Variants in THSD4 observed in about 807,000 individuals in gnomAD.
THSD4 encodes the protein thrombospondin type 1 domain containing 4.
THSD4 carries 69 observed loss-of-function variants against 119.0 expected under a neutral mutation model. The observed-to-expected ratio is 0.58, with a 90% CI of 0.48 to 0.71. THSD4 has a LOEUF of 0.71. Among genes scored for constraint, THSD4 ranks in the 30% least tolerant of loss-of-function variants. The pLI is 0.00. For synonymous variants in THSD4, 524 were observed against 540.4 expected (o/e 0.97, Z 0.42); for missense variants, 1,393 against 1,391.1 (o/e 1.00, Z -0.02).
At chr15:71,308,755 T>G (rs1455512918) in intron 6 of THSD4, among the ~76,000 whole-genome samples, 1 of 152,210 alleles carries the variant, frequency 6.6e-6, no homozygotes, top group African/African-American at 2.4e-5. Flanking sequence ...GGTATATGCC[T>G]GGGAGTGGAA....
At chr15:71,126,557 C>A (rs994709182) in intron 1 of THSD4, among the ~76,000 whole-genome samples, 3 of 152,202 alleles carry the variant, frequency 2.0e-5, no homozygotes, top group Non-Finnish European at 4.4e-5. Flanking sequence ...AATGGAAAAT[C>A]ACTCATCACA....
chr15:71,260,814 C>A (rs2044387298), intron 6 of THSD4, among the ~76,000 whole-genome samples: 1 of 152,216 alleles, frequency 6.6e-6, no homozygotes, highest in South Asian at 2.1e-4. Context: ...TTAAAGGTAC[C>A]CCTAGGCCAG....
At chr15:71,341,082 T>G (rs1596349271) in intron 6 of THSD4, 1 of 1,084,100 alleles carries the variant, frequency 9.2e-7, no homozygotes, top group Non-Finnish European at 1.4e-6. Context: ...TGCCTTTTCT[T>G]TTCTATTGTC....
At chr15:71,284,426 T>C (rs2044691805) in intron 6 of THSD4, among the ~76,000 whole-genome samples, 1 of 152,168 alleles carries the variant, frequency 6.6e-6, no homozygotes, top group South Asian at 2.1e-4. Flanking sequence ...ATTCAGCATG[T>C]TGCCAAAGAA....
intron 7 of THSD4, among the ~76,000 whole-genome samples, chr15:71,650,411 G>T (rs987156154): frequency 6.6e-6 from 1 of 152,176 alleles, no homozygotes; most frequent in Non-Finnish European, 1.5e-5. Flanking sequence ...AGCGGTGCAA[G>T]ACTTCTAAAA....
chr15:71,453,093 G>A (rs1337685572), intron 7 of THSD4, among the ~76,000 whole-genome samples: 2 of 152,212 alleles, frequency 1.3e-5, no homozygotes, highest in Non-Finnish European at 2.9e-5. Flanking sequence ...AGAGCCTCAC[G>A]AGAGCCCAAC....
chr15:71,571,048 C>G (rs780069448), intron 7 of THSD4, among the ~76,000 whole-genome samples: 11 of 152,188 alleles, frequency 7.2e-5, no homozygotes, highest in Non-Finnish European at 1.5e-4. Flanking sequence ...TGTGAGACGT[C>G]AGAACTCCCT....
rs761679693 is a variant in THSD4, at chr15:71,746,951, A to C, written c.2150A>C (p.Tyr717Ser). The change falls in exon 13 of 18, where the codon TAC (tyrosine) becomes TCC (serine). Residue 717 changes from tyrosine to serine, a missense_variant. Transcript: ENST00000261862. ...AACCGCAGCCTGACGGTGCAGCCCT[A>C]CCGCTGCCAGCACCTGGAGAAACCT... is the stretch of plus-strand genomic sequence containing the variant. Reference protein sequence around the residue: ...YANRSLTVQPYRCQHLEKPET... With the variant: ...YANRSLTVQPSRCQHLEKPET... 1.2e-6 allele frequency: 2 copies of C among 1,613,718 alleles called. No individual in the cohort carries two copies. Among genetic ancestry groups the C allele is most frequent in the African/African-American group, 2.7e-5 (2 of 74,924 alleles).
rs1039695540 is a variant in THSD4, at chr15:71,324,018, G to A, written c.1015+67303G>A. Among the ~76,000 whole-genome samples, 5 of 152,258 alleles carry A rather than the reference G, an allele frequency of 3.3e-5. No homozygotes were observed. The East Asian group carries it at 7.7e-4, about 24-fold the overall frequency. The stretch of plus-strand genomic sequence containing the variant: ...CTCATCTTCAGCATCTGTCTCTGTC[G>A]TGAGTGATTCTACTACAGCAGTGTT... On this transcript the variant is annotated intron_variant, in intron 6 of 17. Transcript: ENST00000261862.
rs368960564 is a variant in THSD4 at position 71,468,179 on chromosome 15, A to G, written c.1152+56356A>G. Among the ~76,000 whole-genome samples the G allele has an allele frequency of 2.2e-4, 34 of 152,264 alleles. 1 individual carries two copies. In the East Asian group the frequency reaches 6.0e-3, roughly 27 times the overall value. ...GATGGTTTTATAAAGGGGAGCTCCC[A>G]TGCACACGCTCTCTCTTGCCTGCTG... On this transcript the variant is annotated intron_variant, in intron 7 of 17. Coordinates refer to ENST00000261862, the MANE Select transcript of THSD4 (RefSeq NM_024817.3).
intron 8 of THSD4, among the ~76,000 whole-genome samples, chr15:71,689,712 T>TA (rs1257691388): frequency 6.6e-6 from 1 of 152,108 alleles, no homozygotes; most frequent in Non-Finnish European, 1.5e-5. Context: ...ATGGAACTGA[T>TA]ACCATCACCC....
At chr15:71,360,534 A>G (rs2045880572) in intron 6 of THSD4, among the ~76,000 whole-genome samples, 1 of 152,170 alleles carries the variant, frequency 6.6e-6, no homozygotes, top group African/African-American at 2.4e-5. Context: ...TAGCCATTCT[A>G]GTCTACTACT....
At chr15:71,678,445 A>T (rs2051696629) in intron 8 of THSD4, among the ~76,000 whole-genome samples, 1 of 152,156 alleles carries the variant, frequency 6.6e-6, no homozygotes, top group Admixed American at 6.5e-5. Flanking sequence ...GAGCTTCAGA[A>T]ATGTGAAACC....
chr15:71,630,835 A>T (rs752917834), intron 7 of THSD4, among the ~76,000 whole-genome samples: 1 of 152,146 alleles, frequency 6.6e-6, no homozygotes, highest in Non-Finnish European at 1.5e-5. Context: ...CAATAATTCT[A>T]CAGTGCACAG....
intron 8 of THSD4, among the ~76,000 whole-genome samples, chr15:71,691,360 A>G (rs1203204050): frequency 1.3e-5 from 2 of 152,068 alleles, no homozygotes; most frequent in Admixed American, 6.6e-5. Context: ...AAAAGAATAC[A>G]CTCACCTTCC....
chr15:71,297,320 T>TTTTTTTTTG lies in THSD4; in HGVS notation c.1015+40608_1015+40609insTTTTTGTTT, dbSNP rs111707595. On this transcript the variant is annotated intron_variant, in intron 6 of 17. Transcript: ENST00000261862. The stretch of plus-strand genomic sequence containing the variant: ...AAGTCCTTTGCTCTCCTCTTCTTTT[T>TTTTTTTTTG]TTTGTTTGTTTGTTTGTTTGTTTGT... Among the ~76,000 whole-genome samples, 1,283 of 148,032 alleles carry TTTTTTTTTG rather than the reference T, an allele frequency of 8.7e-3. 25 individuals are homozygous for TTTTTTTTTG. Among genetic ancestry groups the TTTTTTTTTG allele is most frequent in the African/African-American group, 0.028 (1,124 of 40,148 alleles).
intron 6 of THSD4, chr15:71,341,507 C>G (rs763959139): frequency 1.7e-5 from 28 of 1,612,330 alleles, no homozygotes; most frequent in African/African-American, 4.0e-5. Flanking sequence ...CTGCGCACAC[C>G]TGCCAACTCC....
intron 8 of THSD4, among the ~76,000 whole-genome samples, chr15:71,676,532 G>A (rs906442510): frequency 2.0e-5 from 3 of 151,996 alleles, no homozygotes; most frequent in African/African-American, 4.8e-5. Flanking sequence ...TGCCCACCTC[G>A]GCCTCCCAAA....
intron 3 of THSD4, among the ~76,000 whole-genome samples, chr15:71,199,298 A>G (rs2043746968): frequency 6.6e-6 from 1 of 152,220 alleles, no homozygotes; most frequent in African/African-American, 2.4e-5. Context: ...TCTGGGGACT[A>G]GATTCTTTTG....
Sources: gnomAD v4.1 joint callset for allele counts (sites outside exome capture counted in the v4.1 genomes callset) on GRCh38, gnomAD v4.1.1 for gene constraint, MANE v1.5 for transcripts, NCBI Gene and HGNC (gene_info 2026-07-23, HGNC 2026-07-21) for gene names.